Variants in UST observed in about 807,000 individuals in gnomAD.
UST encodes chondroitin sulfate 2-O-sulfotransferase.
UST carries 21 observed loss-of-function variants against 45.6 expected under a neutral mutation model. The ratio of observed to expected loss-of-function variants is 0.46; its 90% confidence interval spans 0.33 to 0.66. The LOEUF (loss-of-function observed/expected upper bound fraction) is 0.66, where lower values mean the gene tolerates loss of function less well. Among genes scored for constraint, UST ranks in the 30% least tolerant of loss-of-function variants. The pLI is 0.02. For missense variants in UST, 463 were observed against 512.4 expected (o/e 0.90, Z 0.93); for synonymous variants, 215 against 200.6 (o/e 1.07, Z -0.61).
At chr6:148,894,386 A>C (rs978469451) in intron 2 of UST, among the ~76,000 whole-genome samples, 1 of 152,222 alleles carries the variant, frequency 6.6e-6, no homozygotes, top group Non-Finnish European at 1.5e-5. Flanking sequence ...TGTCTGTATA[A>C]GAAGAGGGAA....
At chr6:148,915,240 G>C (rs934674215) in intron 2 of UST, among the ~76,000 whole-genome samples, 1 of 152,258 alleles carries the variant, frequency 6.6e-6, no homozygotes, top group Non-Finnish European at 1.5e-5. Flanking sequence ...CAAAATTAAA[G>C]TGGCCTATAC....
chr6:148,949,815 C>T (rs1054433427), intron 3 of UST, among the ~76,000 whole-genome samples: 1 of 152,284 alleles, frequency 6.6e-6, no homozygotes, highest in East Asian at 1.9e-4. Flanking sequence ...AGCTCAGACT[C>T]GTGCACAAAC....
intron 2 of UST, among the ~76,000 whole-genome samples, chr6:148,936,772 T>G (rs908542211): frequency 1.3e-5 from 2 of 152,174 alleles, no homozygotes; most frequent in Admixed American, 1.3e-4. Flanking sequence ...CTCAGCTCAC[T>G]GCAATCTCTG....
Position 148,979,626 on chromosome 6 carries a change from C to T in UST, c.681+15063C>T, listed in dbSNP as rs1458294374. On this transcript the variant is annotated intron_variant, in intron 5 of 7. Coordinates refer to ENST00000367463, the MANE Select transcript of UST (RefSeq NM_005715.3). ...AGCTACAAATGTGGAAGCAAATATG[C>T]CAAGGTCCTTGAAAAGAATGTTGAT... 3.3e-5 allele frequency among the ~76,000 whole-genome samples: 5 copies of T among 152,192 alleles called. No individual in the cohort carries two copies. In the East Asian group the frequency reaches 9.6e-4, roughly 29 times the overall value.
rs1038088660 is a variant in UST at position 149,074,221 on chromosome 6, A to G, written c.*105A>G. The G allele has an allele frequency of 2.6e-5, 34 of 1,292,760 alleles. No homozygotes were observed. Among genetic ancestry groups the G allele is most frequent in the Admixed American group, 4.5e-5 (2 of 44,184 alleles). 80.1% of individuals were successfully genotyped at this position (1,292,760 alleles called of 1,614,324 possible). A position where few individuals can be genotyped will look rare whatever the true frequency, so the allele number is the denominator to read the frequency against. ...TAAATTAATGCTTGGGTGCATTAAA[A>G]AGAACAAAACATTCCCACATGTTGG... On this transcript the variant is annotated 3_prime_UTR_variant, in exon 8 of 8. Transcript: ENST00000367463.
chr6:149,025,212 G>A (rs1251897460), intron 7 of UST, among the ~76,000 whole-genome samples: 1 of 152,180 alleles, frequency 6.6e-6, no homozygotes, highest in African/African-American at 2.4e-5. Context: ...CTCAATAACA[G>A]CGTAACTGTC....
intron 7 of UST, among the ~76,000 whole-genome samples, chr6:149,025,294 G>C (rs1776035193): frequency 6.6e-6 from 1 of 152,122 alleles, no homozygotes; most frequent in African/African-American, 2.4e-5. Flanking sequence ...AAAAATATTG[G>C]AGAAACTTAG....
chr6:148,802,768 T>A (rs912524850), intron 1 of UST, among the ~76,000 whole-genome samples: 8 of 152,130 alleles, frequency 5.3e-5, no homozygotes, highest in African/African-American at 1.9e-4. Flanking sequence ...AGTAAACATA[T>A]CCCTTCACCC....
At chr6:148,963,676 C>T (rs1780716287) in intron 4 of UST, among the ~76,000 whole-genome samples, 1 of 152,204 alleles carries the variant, frequency 6.6e-6, no homozygotes, top group Non-Finnish European at 1.5e-5. Flanking sequence ...AATCACTTTT[C>T]CATAATTAAG....
At chr6:148,928,015 G>T (rs1779849260) in intron 2 of UST, among the ~76,000 whole-genome samples, 2 of 152,222 alleles carry the variant, frequency 1.3e-5, no homozygotes, top group Non-Finnish European at 2.9e-5. Context: ...GGCCTGGAGG[G>T]GAGGTATTTG....
chr6:148,811,960 C>T (rs1273366305), intron 1 of UST, among the ~76,000 whole-genome samples: 2 of 152,222 alleles, frequency 1.3e-5, no homozygotes, highest in Non-Finnish European at 2.9e-5. Flanking sequence ...CATGGAGAGA[C>T]ATCAGTTCCC....
chr6:148,885,977 A>G (rs552954989), intron 1 of UST, among the ~76,000 whole-genome samples: 76 of 152,086 alleles, frequency 5.0e-4, no homozygotes, highest in Admixed American at 2.9e-3. Flanking sequence ...TGGTGAGATG[A>G]TTTTCCCTAG....
intron 2 of UST, among the ~76,000 whole-genome samples, chr6:148,905,093 T>G (rs1779330566): frequency 6.6e-6 from 1 of 152,262 alleles, no homozygotes; most frequent in Non-Finnish European, 1.5e-5. Context: ...TTTCCCAGTA[T>G]TCTTCACATT....
intron 1 of UST, among the ~76,000 whole-genome samples, chr6:148,814,707 C>G (rs1777324220): frequency 6.6e-6 from 1 of 152,166 alleles, no homozygotes; most frequent in Non-Finnish European, 1.5e-5. Flanking sequence ...TCCAGAATCT[C>G]TACTGGATTC....
rs80235058 is a variant in UST at position 149,054,996 on chromosome 6, A to C, written c.938-18837A>C. The stretch of plus-strand genomic sequence containing the variant: ...TATCGCATGAGAACCCACAGCTCTC[A>C]CAGAAACTCAAGAAATGTCTTAGTG... On this transcript the variant is annotated intron_variant, in intron 7 of 7. Transcript: ENST00000367463. 4.0e-3 allele frequency among the ~76,000 whole-genome samples: 608 copies of C among 152,334 alleles called. 2 individuals carry two copies. The highest frequency in any genetic ancestry group is 0.014 in the African/African-American group (589 of 41,584).
chr6:149,046,240 C>T (rs539070553), intron 7 of UST, among the ~76,000 whole-genome samples: 2 of 152,284 alleles, frequency 1.3e-5, no homozygotes, highest in South Asian at 2.1e-4. Flanking sequence ...CAAAAGCAAG[C>T]TCAGAGGCTT....
intron 1 of UST, among the ~76,000 whole-genome samples, chr6:148,871,343 C>A (rs1223198846): frequency 6.6e-6 from 1 of 152,134 alleles, no homozygotes; most frequent in Non-Finnish European, 1.5e-5. Flanking sequence ...TTTGTTACAG[C>A]AGTCCAAACT....
At chr6:148,960,586 G>A (rs528960003) in intron 4 of UST, among the ~76,000 whole-genome samples, 65 of 152,352 alleles carry the variant, frequency 4.3e-4, no homozygotes, top group African/African-American at 1.5e-3. Flanking sequence ...TTTGTTGAAT[G>A]GGCAGAGTTT....
intron 1 of UST, among the ~76,000 whole-genome samples, chr6:148,828,918 G>A (rs933409523): frequency 5.9e-5 from 9 of 152,158 alleles, no homozygotes; most frequent in African/African-American, 2.2e-4. Flanking sequence ...ATTTGAATAA[G>A]TCAGCTGAAA....
Sources: allele counts gnomAD v4.1 joint callset (sites outside exome capture counted in the v4.1 genomes callset), GRCh38; gene constraint gnomAD v4.1.1; transcripts MANE v1.5; gene names NCBI Gene and HGNC (gene_info 2026-07-23, HGNC 2026-07-21).